DLG2: variants seen among roughly 807,000 people sequenced by gnomAD.
DLG2 encodes discs large MAGUK scaffold protein 2, also known as disks large homolog 2.
DLG2 carries 45 observed loss-of-function variants against 132.5 expected under a neutral mutation model. The ratio of observed to expected loss-of-function variants is 0.34; its 90% CI spans 0.27 to 0.44. DLG2 has a LOEUF of 0.44. Ranked by LOEUF, DLG2 falls within the 20% of genes least tolerant of loss-of-function variation. The probability of loss-of-function intolerance (pLI) is 1.00; values close to 1 mark genes in which losing one functional copy is unlikely to be tolerated. For missense variants in DLG2, 1,045 were observed against 1,196.9 expected, an observed-to-expected ratio of 0.87 and a Z score of 1.87; for synonymous variants, 424 against 419.6, an observed-to-expected ratio of 1.01 and a Z score of -0.13.
chr11:84,092,961 A>T (rs1156564541), intron 10 of DLG2, among the ~76,000 whole-genome samples: 1 of 151,580 alleles, frequency 6.6e-6, no homozygotes, highest in Non-Finnish European at 1.5e-5. Flanking sequence ...GCTTGAACCC[A>T]GAAGGCGGAG....
At chr11:83,630,438 CAGAACAAAGA>C (rs1432506497) in intron 19 of DLG2, among the ~76,000 whole-genome samples, 2 of 152,130 alleles carry the variant, frequency 1.3e-5, no homozygotes, top group African/African-American at 4.8e-5. Flanking sequence ...TTGTTTCTCA[CAGAACAAAGA>C]AGGTGCTTGC....
chr11:84,106,185 G>T (rs2092899845), intron 9 of DLG2, among the ~76,000 whole-genome samples: 2 of 152,094 alleles, frequency 1.3e-5, no homozygotes. Flanking sequence ...TGATAGAAAG[G>T]TCTGTTGGTT....
chr11:84,897,351 T>G (rs1203771439), intron 6 of DLG2, among the ~76,000 whole-genome samples: 1 of 151,936 alleles, frequency 6.6e-6, no homozygotes, highest in Non-Finnish European at 1.5e-5. Flanking sequence ...GTTTCTAGTT[T>G]TTGCAATTAT....
chr11:85,153,231 C>G (rs767664910), intron 5 of DLG2, among the ~76,000 whole-genome samples: 2 of 152,184 alleles, frequency 1.3e-5, no homozygotes, highest in Non-Finnish European at 2.9e-5. Context: ...GACTTTGGAT[C>G]TTTTGTTCAT....
intron 6 of DLG2, among the ~76,000 whole-genome samples, chr11:84,826,217 T>G (rs542554785): frequency 1.1e-3 from 174 of 152,048 alleles, no homozygotes; most frequent in African/African-American, 4.1e-3. Context: ...TTACACTCTT[T>G]CAGTTATTTT....
intron 18 of DLG2, among the ~76,000 whole-genome samples, chr11:83,768,397 T>C (rs889111527): frequency 3.9e-5 from 6 of 152,232 alleles, no homozygotes; most frequent in African/African-American, 1.4e-4. Flanking sequence ...ACCCATTTAG[T>C]TGAAATTCAA....
Position 83,980,662 on chromosome 11 carries a change from A to G in DLG2, c.920-20T>C, listed in dbSNP as rs762125377. The G allele has an allele frequency of 1.3e-6, 2 of 1,534,348 alleles. No homozygotes were observed. Among genetic ancestry groups the G allele is most frequent in the East Asian group, 4.8e-5 (2 of 41,754 alleles). ...CTAAACCTATAAGAAAGGAACAGAA[A>G]ATGGAAAGCCTTGTTTTGTTGTTGT... On this transcript the variant is annotated intron_variant, in intron 11 of 27. Transcript: ENST00000376104.
chr11:84,862,042 G>C (rs536303679), intron 6 of DLG2, among the ~76,000 whole-genome samples: 3 of 119,446 alleles, frequency 2.5e-5, no homozygotes, highest in Non-Finnish European at 1.7e-5. Flanking sequence ...GTTGTGGGGT[G>C]GGGGGAGGGG....
At chr11:83,848,002 G>T (rs528190702) in intron 16 of DLG2, among the ~76,000 whole-genome samples, 11 of 152,102 alleles carry the variant, frequency 7.2e-5, no homozygotes, top group Non-Finnish European at 1.6e-4. Flanking sequence ...TGGTGTGATG[G>T]AGAAACTTAA....
chr11:85,470,212 GTTT>G (rs113051824), intron 3 of DLG2, among the ~76,000 whole-genome samples: 3 of 138,684 alleles, frequency 2.2e-5, no homozygotes, highest in Non-Finnish European at 4.7e-5. Flanking sequence ...AATCTACTTG[GTTT>G]TTTTTTTTAA....
chr11:84,343,683 T>A (rs2098526087), intron 7 of DLG2, among the ~76,000 whole-genome samples: 1 of 152,182 alleles, frequency 6.6e-6, no homozygotes, highest in Admixed American at 6.5e-5. Context: ...TTACCTAATT[T>A]CCAGGGCGAT....
intron 10 of DLG2, among the ~76,000 whole-genome samples, chr11:84,080,497 G>A (rs1054202322): frequency 2.0e-5 from 3 of 152,046 alleles, no homozygotes; most frequent in Non-Finnish European, 4.4e-5. Context: ...TCTCACATAA[G>A]GCACAATCAA....
intron 7 of DLG2, among the ~76,000 whole-genome samples, chr11:84,511,679 T>TA (rs1457039311): frequency 6.6e-6 from 1 of 152,170 alleles, no homozygotes; most frequent in Non-Finnish European, 1.5e-5. Flanking sequence ...AATGATAAAG[T>TA]AACCACTGAG....
rs76194493 is a variant in DLG2, at chr11:84,599,804, G to A, written c.358-65073C>T. Among the ~76,000 whole-genome samples the A allele has an allele frequency of 6.2e-4, 94 of 152,192 alleles. 1 individual carries two copies. In the East Asian group the frequency reaches 0.017, roughly 28 times the overall value. ...CCCAACACTTTAGGAGGCAGAGGCA[G>A]GCAGATCGCTTGAGCCCAGGAGTTC... On this transcript the variant is annotated intron_variant, in intron 6 of 27. Coordinates refer to ENST00000376104, the MANE Select transcript of DLG2 (RefSeq NM_001142699.3).
chr11:84,818,830 G>A (rs917635334), intron 6 of DLG2, among the ~76,000 whole-genome samples: 4 of 151,862 alleles, frequency 2.6e-5, no homozygotes, highest in African/African-American at 9.7e-5. Flanking sequence ...AATGAATCAA[G>A]CTAAGATCTT....
intron 11 of DLG2, among the ~76,000 whole-genome samples, chr11:84,023,172 A>G (rs1385439200): frequency 1.3e-5 from 2 of 152,152 alleles, no homozygotes; most frequent in Non-Finnish European, 2.9e-5. Flanking sequence ...AAATTAAGTA[A>G]ACTGTTTTGA....
chr11:85,533,250 C>T (rs1184819561), intron 3 of DLG2, among the ~76,000 whole-genome samples: 2 of 152,032 alleles, frequency 1.3e-5, no homozygotes, highest in Non-Finnish European at 2.9e-5. Context: ...TCTCGAACTC[C>T]TGGCCTCAAT....
intron 7 of DLG2, among the ~76,000 whole-genome samples, chr11:84,412,734 T>C (rs756826793): frequency 1.3e-5 from 2 of 152,200 alleles, no homozygotes; most frequent in African/African-American, 4.8e-5. Context: ...TAAGGCTCCA[T>C]GGTTTTGAGC....
rs534499032 is a variant in DLG2 at position 85,474,555 on chromosome 11, T to C, written c.40+124102A>G. 4.8e-4 allele frequency among the ~76,000 whole-genome samples: 73 copies of C among 152,002 alleles called. 2 individuals carry two copies. Among genetic ancestry groups the C allele is most frequent in the African/African-American group, 1.6e-3 (67 of 41,552 alleles). Reference sequence around the variant, plus strand: ...AATAAATTCTTTTAAAAACCCAGCCTATGAAATATATCAAGAAAAAGACTG... The same window carrying C: ...AATAAATTCTTTTAAAAACCCAGCCCATGAAATATATCAAGAAAAAGACTG... On this transcript the variant is annotated intron_variant, in intron 3 of 27. Transcript: ENST00000376104.
Sources: gnomAD v4.1 joint callset for allele counts (sites outside exome capture counted in the v4.1 genomes callset) on GRCh38, gnomAD v4.1.1 for gene constraint, MANE v1.5 for transcripts, NCBI Gene and HGNC (gene_info 2026-07-23, HGNC 2026-07-21) for gene names.